TGIF2: variants seen among roughly 807,000 people sequenced by gnomAD.
TGIF2 encodes TGFB induced factor homeobox 2.
TGIF2 carries 5 observed loss-of-function variants against 15.1 expected under a neutral mutation model. That is an observed-to-expected ratio of 0.33 (90% CI 0.17 to 0.70). TGIF2 has a LOEUF of 0.70. Ranked by LOEUF, TGIF2 falls within the 30% of genes least tolerant of loss-of-function variation. TGIF2 has a pLI of 0.67. For synonymous variants in TGIF2, 131 were observed against 128.9 expected (o/e 1.02, Z -0.11); for missense variants, 264 against 302.5 (o/e 0.87, Z 0.94).
chr20:36,577,524 G>T lies in TGIF2; in HGVS notation c.-34-1217G>T, dbSNP rs1488899957. 1.1e-3 allele frequency among the ~76,000 whole-genome samples: 152 copies of T among 132,518 alleles called. 1 individual carries two copies. Among genetic ancestry groups the T allele is most frequent in the African/African-American group, 3.3e-3 (120 of 36,024 alleles). The allele number at this position is 132,518 out of a possible 152,430, so 86.9% of individuals were successfully genotyped here. A position where few individuals can be genotyped will look rare whatever the true frequency, so the allele number is the denominator to read the frequency against. On this transcript the variant is annotated intron_variant, in intron 1 of 2. Transcript: ENST00000373872. ...CCGTGTCCGGCCTTTGTTTGTTTTT[G>T]TTTTTTTTTTTTTGAGATGGAGTCT...
At chr20:36,590,855 A>G in intron 2 of TGIF2, 55 bp from the exon 3 acceptor site, 3 of 1,490,946 alleles carry the variant, frequency 2.0e-6, no homozygotes, top group Non-Finnish European at 2.7e-6. Context: ...CACTGTGCCC[A>G]GCCCATAGCT....
chr20:36,578,830 G>A lies in TGIF2; in HGVS notation c.56G>A (p.Arg19Lys), dbSNP rs2038485096. 1.2e-6 allele frequency: 2 copies of A among 1,614,182 alleles called. No individual in the cohort carries two copies. The highest frequency in any genetic ancestry group is 8.5e-7 in the Non-Finnish European group (1 of 1,180,024). ...GGCCTCCTCTCCCTGGCGGGCAAAAGGAAGCGCAGGGGGAACCTGCCCAAG... is the reference window on the plus strand; with the variant it reads ...GGCCTCCTCTCCCTGGCGGGCAAAAAGAAGCGCAGGGGGAACCTGCCCAAG... ...DEGLLSLAGK[R>K]KRRGNLPKES... The change falls in exon 2 of 3, where the codon AGG (arginine) becomes AAG (lysine). Residue 19 changes from arginine to lysine, a missense_variant. Physicochemically the swap from Arg to Lys is conservative, Grantham distance 26. Coordinates refer to ENST00000373872, the MANE Select transcript of TGIF2 (RefSeq NM_021809.7).
intron 1 of TGIF2, among the ~76,000 whole-genome samples, chr20:36,576,127 C>A (rs999209804): frequency 6.6e-6 from 1 of 151,592 alleles, no homozygotes; most frequent in Admixed American, 6.6e-5. Flanking sequence ...GAAAGAAAAT[C>A]TTTGTTGCAC....
At chr20:36,577,103 C>T (rs1332775972) in intron 1 of TGIF2, among the ~76,000 whole-genome samples, 1 of 152,132 alleles carries the variant, frequency 6.6e-6, no homozygotes, top group African/African-American at 2.4e-5. Context: ...GCCTTGAACT[C>T]CTGGGTTCAA....
At chr20:36,578,651 C>A (rs2038480676) in intron 1 of TGIF2, 90 bp from the exon 2 acceptor site, 2 of 1,391,314 alleles carry the variant, frequency 1.4e-6, no homozygotes, top group South Asian at 1.4e-5. Context: ...TTCTGGTGTC[C>A]CAGGCTCAAG....
At chr20:36,585,120 A>G (rs1240740793) in intron 2 of TGIF2, among the ~76,000 whole-genome samples, 3 of 151,718 alleles carry the variant, frequency 2.0e-5, no homozygotes. Flanking sequence ...TCACTTTTGA[A>G]CCTAGGAGGT....
intron 2 of TGIF2, among the ~76,000 whole-genome samples, chr20:36,579,171 T>C (rs1555925752): frequency 1.3e-5 from 2 of 152,108 alleles, no homozygotes; most frequent in South Asian, 2.1e-4. Context: ...TTTCAGACTT[T>C]AGATAGTCCT....
In TGIF2 at chr20:36,591,547, T is replaced by C; in HGVS notation, c.*116T>C. ...ACTGCCAAACATTGGGATCATCTCCTCTGTCCAGAGGTCTTCAACAGGAAG... is the reference window on the plus strand; with the variant it reads ...ACTGCCAAACATTGGGATCATCTCCCCTGTCCAGAGGTCTTCAACAGGAAG... On this transcript the variant is annotated 3_prime_UTR_variant, in exon 3 of 3. Coordinates refer to ENST00000373872, the MANE Select transcript of TGIF2 (RefSeq NM_021809.7). The surrounding 1 kb of genome is among the most constrained non-coding windows in gnomAD (Gnocchi z 5.3). 8.2e-7 allele frequency: 1 copy of C among 1,221,864 alleles called. No homozygotes were observed. Among genetic ancestry groups the C allele is most frequent in the African/African-American group, 1.5e-5 (1 of 65,980 alleles). 75.7% of individuals were successfully genotyped at this position (1,221,864 alleles called of 1,614,324 possible).
chr20:36,588,390 G>A (rs891277924), intron 2 of TGIF2, among the ~76,000 whole-genome samples: 12 of 118,276 alleles, frequency 1.0e-4, no homozygotes, highest in African/African-American at 3.9e-4. Context: ...TTTTGAGATG[G>A]AGTCTTGCTT....
Position 36,591,254 on chromosome 20 carries a change from C to G in TGIF2, c.537C>G (p.Leu179=), listed in dbSNP as rs1469709457. 9 of 1,614,216 alleles carry G rather than the reference C, an allele frequency of 5.6e-6. No homozygotes were observed. Among genetic ancestry groups the G allele is most frequent in the Non-Finnish European group, 7.6e-6 (9 of 1,180,034 alleles). The change falls in exon 3 of 3, where the codon CTC becomes CTG. Residue 179 remains leucine, a synonymous_variant. Coordinates refer to ENST00000373872, the MANE Select transcript of TGIF2 (RefSeq NM_021809.7). This position sits in a 1 kb window ranked among gnomAD's most constrained non-coding sequence, Gnocchi z 5.3. ...AGGCTGGAAGCCCCACAGGTGGACT[C>G]TTCAACACGCCACCACCCACACCCC... The part of the protein sequence containing the change: ...RAEAGSPTGG[L]FNTPPPTPPE...
At chr20:36,573,845 T>A (rs920666516) in intron 1 of TGIF2, 100 bp downstream of exon 1, 1 of 149,472 alleles carries the variant, frequency 6.7e-6, no homozygotes, top group Non-Finnish European at 1.5e-5. Flanking sequence ...GGCGTCGTCC[T>A]GGCGCGTGCG....
intron 1 of TGIF2, chr20:36,574,715 G>A (rs1432167093): frequency 1.3e-5 from 2 of 152,426 alleles, no homozygotes; most frequent in Admixed American, 6.5e-5. Context: ...AGTCGGCCCG[G>A]GGTGTGGGGA....
At chr20:36,575,561 A>G (rs2038411312) in intron 1 of TGIF2, among the ~76,000 whole-genome samples, 1 of 152,132 alleles carries the variant, frequency 6.6e-6, no homozygotes, top group Admixed American at 6.6e-5. Context: ...CTCTCTGAGG[A>G]GTGGCACGTC....
chr20:36,580,137 C>T (rs2038514661), intron 2 of TGIF2, among the ~76,000 whole-genome samples: 1 of 152,124 alleles, frequency 6.6e-6, no homozygotes, highest in African/African-American at 2.4e-5. Context: ...TCCTGTTTCT[C>T]TTTCCCCCTC....
At chr20:36,577,130 A>C (rs1246723562) in intron 1 of TGIF2, among the ~76,000 whole-genome samples, 2 of 152,046 alleles carry the variant, frequency 1.3e-5, no homozygotes, top group African/African-American at 4.8e-5. Context: ...CTCTCACCTC[A>C]GCCTCTCAGA....
At chr20:36,574,665 C>T (rs921274317) in intron 1 of TGIF2, 2 of 152,288 alleles carry the variant, frequency 1.3e-5, no homozygotes, top group African/African-American at 4.8e-5. Context: ...GAGCCCCCGT[C>T]CCACCGGGAT....
intron 2 of TGIF2, among the ~76,000 whole-genome samples, chr20:36,589,181 TG>T (rs2038718450): frequency 6.6e-6 from 1 of 152,180 alleles, no homozygotes; most frequent in Non-Finnish European, 1.5e-5. Flanking sequence ...TTGTTTCTGT[TG>T]GGGGCTTGTT....
intron 2 of TGIF2, among the ~76,000 whole-genome samples, chr20:36,590,353 A>G (rs146783924): frequency 1.6e-4 from 25 of 152,256 alleles, no homozygotes; most frequent in African/African-American, 5.3e-4. Context: ...TCCCAGGTTC[A>G]AGCAAGTTTC....
At chr20:36,581,075 C>T (rs1374196366) in intron 2 of TGIF2, among the ~76,000 whole-genome samples, 4 of 151,574 alleles carry the variant, frequency 2.6e-5, no homozygotes, top group East Asian at 2.0e-4. Flanking sequence ...TGCGGTGAGC[C>T]GAGATGGTGG....
Sources: gnomAD v4.1 joint callset for allele counts (sites outside exome capture counted in the v4.1 genomes callset) on GRCh38, gnomAD v4.1.1 for gene constraint, Gnocchi (gnomAD v3.1) non-coding constraint, MANE v1.5 for transcripts, NCBI Gene and HGNC (gene_info 2026-07-23, HGNC 2026-07-21) for gene names.